CNBD1: variants seen among roughly 807,000 people sequenced by gnomAD.
CNBD1 encodes cyclic nucleotide binding domain containing 1, also known as cyclic nucleotide-binding domain-containing protein 1.
A neutral mutation model predicts 54.4 loss-of-function variants in CNBD1; 71 were observed. That is an observed-to-expected ratio of 1.30 (90% CI 1.08 to 1.59). The LOEUF (loss-of-function observed/expected upper bound fraction) is 1.59, where lower values mean the gene tolerates loss of function less well. CNBD1 is among the 40% of genes most tolerant of loss of function. The probability of loss-of-function intolerance (pLI) is 0.00; values close to 1 mark genes in which losing one functional copy is unlikely to be tolerated. For missense variants in CNBD1, 659 were observed against 518.0 expected (o/e 1.27, Z -2.64); for synonymous variants, 182 against 170.7 (o/e 1.07, Z -0.51).
intron 2 of CNBD1, among the ~76,000 whole-genome samples, chr8:87,405,281 A>G (rs940878187): frequency 6.6e-6 from 1 of 152,126 alleles, no homozygotes. Context: ...TATACTTTTT[A>G]TCAATAATAT....
intron 2 of CNBD1, among the ~76,000 whole-genome samples, chr8:87,422,278 A>G (rs973702200): frequency 6.9e-6 from 1 of 145,192 alleles, no homozygotes; most frequent in South Asian, 2.1e-4. Context: ...CTTTAGTTTA[A>G]TTAGATCCCA....
intron 8 of CNBD1, among the ~76,000 whole-genome samples, chr8:87,333,054 G>A (rs551210734): frequency 6.6e-6 from 1 of 152,144 alleles, no homozygotes; most frequent in Non-Finnish European, 1.5e-5. Flanking sequence ...TCCTTGAGCA[G>A]TGGTTTGTAG....
chr8:86,973,961 A>G (rs779360301), intron 4 of CNBD1, among the ~76,000 whole-genome samples: 5 of 152,156 alleles, frequency 3.3e-5, no homozygotes, highest in Admixed American at 6.5e-5. Flanking sequence ...TTTATTGACT[A>G]TTGTACAAAT....
At chr8:86,918,799 TAA>T (rs67260396) in intron 3 of CNBD1, among the ~76,000 whole-genome samples, 3,289 of 137,650 alleles carry the variant, frequency 0.024, 94 homozygotes, top group African/African-American at 0.067. Context: ...TATCTTTCTT[TAA>T]AAAAAAAAAA....
intron 4 of CNBD1, among the ~76,000 whole-genome samples, chr8:86,974,131 T>C (rs185783062): frequency 2.6e-5 from 4 of 152,216 alleles, no homozygotes; most frequent in Admixed American, 6.5e-5. Flanking sequence ...TTTATAATTA[T>C]GACAAATGTA....
intron 4 of CNBD1, among the ~76,000 whole-genome samples, chr8:86,986,110 A>G (rs1808601082): frequency 6.6e-6 from 1 of 151,886 alleles, no homozygotes; most frequent in Admixed American, 6.6e-5. Context: ...TCCTATTTTT[A>G]GTAGAGATAG....
intron 4 of CNBD1, among the ~76,000 whole-genome samples, chr8:87,101,861 G>C (rs1811433761): frequency 6.6e-6 from 1 of 151,924 alleles, no homozygotes; most frequent in African/African-American, 2.4e-5. Flanking sequence ...TGATGCAGCT[G>C]GAGGTGAAGT....
intron 8 of CNBD1, among the ~76,000 whole-genome samples, chr8:87,339,834 G>A (rs976201955): frequency 6.6e-6 from 1 of 151,922 alleles, no homozygotes; most frequent in African/African-American, 2.4e-5. Flanking sequence ...TGTTACTGAT[G>A]CTGTTTATTT....
At chr8:87,310,345 A>T (rs1374217995) in intron 8 of CNBD1, among the ~76,000 whole-genome samples, 6 of 152,098 alleles carry the variant, frequency 3.9e-5, no homozygotes, top group Non-Finnish European at 8.8e-5. Context: ...ATAGAGTACA[A>T]CACTGTCTTA....
At chr8:86,976,719 G>C (rs914626828) in intron 4 of CNBD1, among the ~76,000 whole-genome samples, 1 of 151,714 alleles carries the variant, frequency 6.6e-6, no homozygotes, top group Non-Finnish European at 1.5e-5. Flanking sequence ...GTGTCCTGTA[G>C]TTTTCAGTAT....
intron 8 of CNBD1, among the ~76,000 whole-genome samples, chr8:87,328,261 C>A (rs576359200): frequency 6.6e-6 from 1 of 152,018 alleles, no homozygotes; most frequent in Admixed American, 6.6e-5. Flanking sequence ...ATTTTTGGCA[C>A]CCTTGTCAAG....
chr8:87,081,355 G>A (rs1378378489), intron 4 of CNBD1, among the ~76,000 whole-genome samples: 1 of 152,028 alleles, frequency 6.6e-6, no homozygotes, highest in Non-Finnish European at 1.5e-5. Context: ...CTTGAGATAA[G>A]AGAACATACT....
chr8:86,993,906 G>T (rs923575419), intron 4 of CNBD1, among the ~76,000 whole-genome samples: 2 of 152,148 alleles, frequency 1.3e-5, no homozygotes, highest in African/African-American at 2.4e-5. Context: ...GGCCTTGAGG[G>T]ATCCCTCTCT....
At chr8:87,385,051 A>T (rs1375960530), downstream of CNBD1, among the ~76,000 whole-genome samples, 1 of 152,206 alleles carries the variant, frequency 6.6e-6, no homozygotes, top group Non-Finnish European at 1.5e-5. Context: ...CTTGGGTTCT[A>T]TATGCAAAAT....
intron 4 of CNBD1, among the ~76,000 whole-genome samples, chr8:87,075,991 A>T (rs1810865426): frequency 6.6e-6 from 1 of 152,138 alleles, no homozygotes; most frequent in Non-Finnish European, 1.5e-5. Flanking sequence ...TCAAATTTCC[A>T]TTGGCATACT....
At chr8:87,377,449 A>G (rs1246726115) in intron 10 of CNBD1, among the ~76,000 whole-genome samples, 3 of 151,946 alleles carry the variant, frequency 2.0e-5, no homozygotes, top group South Asian at 2.1e-4. Flanking sequence ...GATGATTTCC[A>G]ATTTCATCCA....
At chr8:86,985,781 T>C (rs944387542) in intron 4 of CNBD1, among the ~76,000 whole-genome samples, 9 of 152,194 alleles carry the variant, frequency 5.9e-5, no homozygotes, top group African/African-American at 2.2e-4. Flanking sequence ...CCAAACTACA[T>C]TCAACAGTGA....
intron 6 of CNBD1, among the ~76,000 whole-genome samples, chr8:87,282,887 A>T (rs964379243): frequency 1.3e-5 from 2 of 152,126 alleles, no homozygotes; most frequent in African/African-American, 4.8e-5. Flanking sequence ...TTAGGAGAAT[A>T]TACCAAATCC....
At chr8:87,170,744 T>C (rs183279562) in intron 4 of CNBD1, among the ~76,000 whole-genome samples, 2 of 152,324 alleles carry the variant, frequency 1.3e-5, no homozygotes, top group African/African-American at 4.8e-5. Flanking sequence ...TTTTATCAAA[T>C]GCTTTTTCAG....
Sources: allele counts gnomAD v4.1 joint callset (sites outside exome capture counted in the v4.1 genomes callset), GRCh38; gene constraint gnomAD v4.1.1; transcripts MANE v1.5; gene names NCBI Gene and HGNC (gene_info 2026-07-23, HGNC 2026-07-21).